The following GLIS2 variants were observed in gnomAD, a reference collection of about 807,000 sequenced individuals.
GLIS2 encodes zinc finger protein GLIS2.
A neutral mutation model predicts 35.6 loss-of-function variants in GLIS2; 14 were observed. That is an observed-to-expected ratio of 0.39 (90% CI 0.26 to 0.61). GLIS2 has a LOEUF of 0.61. GLIS2 is among the 20% of genes least tolerant of loss of function. The pLI is 0.48. For missense variants in GLIS2, 675 were observed against 713.4 expected (o/e 0.95, Z 0.61); for synonymous variants, 368 against 325.1 (o/e 1.13, Z -1.42).
chr16:4,321,184 G>T (rs954700028), intron 1 of GLIS2, among the ~76,000 whole-genome samples: 3 of 152,184 alleles, frequency 2.0e-5, no homozygotes, highest in African/African-American at 7.2e-5. Flanking sequence ...GGCAGGAGAT[G>T]GAGCTGGGGG....
intron 1 of GLIS2, among the ~76,000 whole-genome samples, chr16:4,317,822 G>A (rs898192262): frequency 6.6e-6 from 1 of 152,130 alleles, no homozygotes; most frequent in Non-Finnish European, 1.5e-5. Context: ...GGGGGTGTGC[G>A]GACCCCTTGG....
At chr16:4,318,840 G>A (rs944070065) in intron 1 of GLIS2, among the ~76,000 whole-genome samples, 13 of 152,240 alleles carry the variant, frequency 8.5e-5, no homozygotes, top group East Asian at 3.9e-4. Flanking sequence ...CTAGCCACCC[G>A]CTCCACTCGC....
chr16:4,331,913 G>A (rs1002461623), intron 1 of GLIS2: 12 of 374,030 alleles, frequency 3.2e-5, no homozygotes, highest in Admixed American at 2.9e-4. Flanking sequence ...TGTGCCACTT[G>A]CACTCCAGCC....
Position 4,338,808 on chromosome 16 carries a change from C to G in GLIS2, c.*1284C>G, listed in dbSNP as rs2053590689. On this transcript the variant is annotated 3_prime_UTR_variant, in exon 7 of 7. Coordinates refer to ENST00000433375, the MANE Select transcript of GLIS2 (RefSeq NM_032575.3). ...GGTGGTGCTGGAGGGCCTTGTGCCCCAGTCCCATCCCAGGACGCCCTGAGG... is the reference window on the plus strand; with the variant it reads ...GGTGGTGCTGGAGGGCCTTGTGCCCGAGTCCCATCCCAGGACGCCCTGAGG... 6.6e-6 allele frequency: 1 copy of G among 152,322 alleles called. No homozygotes were observed. The highest frequency in any genetic ancestry group is 1.5e-5 in the Non-Finnish European group (1 of 68,088). The allele number at this position is 152,322 out of a possible 1,614,324, so 9.4% of individuals were successfully genotyped here. A position where few individuals can be genotyped will look rare whatever the true frequency, so the allele number is the denominator to read the frequency against.
intron 6 of GLIS2, chr16:4,336,453 G>A (rs2053552341): frequency 1.7e-6 from 1 of 601,432 alleles, no homozygotes; most frequent in Non-Finnish European, 3.0e-6. Flanking sequence ...GGCCTCCAAG[G>A]CCATGTTCTG....
At chr16:4,318,726 C>G (rs1307818314) in intron 1 of GLIS2, among the ~76,000 whole-genome samples, 6 of 152,254 alleles carry the variant, frequency 3.9e-5, no homozygotes, top group Non-Finnish European at 8.8e-5. Context: ...GGCCTTGGCC[C>G]CGGGCGGTGG....
intron 1 of GLIS2, among the ~76,000 whole-genome samples, chr16:4,323,569 C>G (rs562732200): frequency 1.3e-5 from 2 of 152,146 alleles, no homozygotes; most frequent in Non-Finnish European, 2.9e-5. Context: ...TGTGAGTGTG[C>G]GTGTGTGTGC....
intron 3 of GLIS2, 77 bp downstream of exon 3, chr16:4,333,596 G>A: frequency 6.9e-7 from 1 of 1,448,876 alleles, no homozygotes; most frequent in Non-Finnish European, 9.3e-7. Flanking sequence ...CCCCAACACT[G>A]AGTGGTTTAA....
rs1255737747 is a variant in GLIS2 at position 4,332,500 on chromosome 16, GGTGACAGGGAGAATGGC to G, written c.172+49_172+65del. On this transcript the variant is annotated intron_variant, in intron 2 of 6. Transcript: ENST00000433375. This position sits in a 1 kb window ranked among gnomAD's most constrained non-coding sequence, Gnocchi z 5.4. ...GGGGACTTAGCCCTGATCCAGTCAT[GGTGACAGGGAGAATGGC>G]CAAGTGTGTCCACCAGCATGTAGCT... 2 of 1,592,490 alleles carry G rather than the reference GGTGACAGGGAGAATGGC, an allele frequency of 1.3e-6. No individual in the cohort carries two copies.
upstream of GLIS2, chr16:4,315,289 G>C (rs1358949681): frequency 6.6e-6 from 1 of 152,238 alleles, no homozygotes; most frequent in African/African-American, 2.4e-5. Context: ...GTTGCGCCGG[G>C]CCCCGAAAAC....
rs1413979732 is a variant in GLIS2, at chr16:4,332,374, C to T, written c.94C>T (p.Arg32Trp). 8.1e-6 allele frequency: 13 copies of T among 1,612,994 alleles called. No homozygotes were observed. The highest frequency in any genetic ancestry group is 2.7e-5 in the African/African-American group (2 of 75,048). Residue 32 changes from arginine to tryptophan, a missense_variant, in exon 2 of 7, where the codon CGG becomes TGG. Coordinates refer to ENST00000433375, the MANE Select transcript of GLIS2 (RefSeq NM_032575.3). This position sits in a 1 kb window ranked among gnomAD's most constrained non-coding sequence, Gnocchi z 5.4. ...GCGGGAGAGGACGCTGGGTGTGGTCCGGCCCCGTGCTCTGCACAGGGAGCT... is the reference window on the plus strand; with the variant it reads ...GCGGGAGAGGACGCTGGGTGTGGTCTGGCCCCGTGCTCTGCACAGGGAGCT... ...EKRERTLGVV[R>W]PRALHRELGL...
At position 4,319,383 on chromosome 16, in the gene GLIS2, G is replaced by C. The variant is rs190144195; in HGVS notation, c.-67+3129G>C. On this transcript the variant is annotated intron_variant, in intron 1 of 6. Transcript: ENST00000433375. ...TCTCCCTGCTGGCTAGGGGATCTGTGGGACCAGCTGAAAGATGCTCTCCAC... is the reference window on the plus strand; with the variant it reads ...TCTCCCTGCTGGCTAGGGGATCTGTCGGACCAGCTGAAAGATGCTCTCCAC... 2.6e-5 allele frequency among the ~76,000 whole-genome samples: 4 copies of C among 152,274 alleles called. No individual in the cohort carries two copies. The East Asian group carries it at 7.7e-4, about 29-fold the overall frequency.
At chr16:4,330,476 C>T (rs1405707607) in intron 1 of GLIS2, among the ~76,000 whole-genome samples, 1 of 152,258 alleles carries the variant, frequency 6.6e-6, no homozygotes, top group African/African-American at 2.4e-5. Flanking sequence ...CCAGCTGCCC[C>T]CTGGTGGCGA....
Position 4,334,971 on chromosome 16 carries a change from G to A in GLIS2, c.516G>A (p.Trp172Ter), listed in dbSNP as rs1472195709. The A allele has an allele frequency of 1.2e-6, 2 of 1,613,108 alleles. No homozygotes were observed. The highest frequency in any genetic ancestry group is 1.7e-6 in the Non-Finnish European group (2 of 1,180,032). ...LPLPKQLVCR[W>*]AKCNQLFELL... ...TGCCCAAGCAGCTGGTGTGTCGCTG[G>A]GCCAAGGTGAGTGGGGGCCAGCAAG... Residue 172 changes from tryptophan (W) to a stop codon, truncating the protein, a stop_gained, in exon 4 of 7, where the codon TGG (tryptophan) becomes TGA (stop). Transcript: ENST00000433375. LOFTEE classifies it high-confidence loss of function.
intron 1 of GLIS2, among the ~76,000 whole-genome samples, chr16:4,321,632 G>A (rs1176153102): frequency 2.0e-5 from 3 of 152,102 alleles, no homozygotes; most frequent in Non-Finnish European, 4.4e-5. Context: ...CTGCCTCACT[G>A]CCCAGTTCAC....
At chr16:4,333,310 A>G in intron 2 of GLIS2, 37 bp from the exon 3 acceptor site, 1 of 1,611,262 alleles carries the variant, frequency 6.2e-7, no homozygotes, top group Non-Finnish European at 8.5e-7. Context: ...CTGGGACTCT[A>G]CACTCCAGCA....
In GLIS2 at chr16:4,332,301, G is replaced by A. The variant is rs767440800; in HGVS notation, c.21G>A (p.Pro7=). Residue 7 remains proline (P), a synonymous_variant, in exon 2 of 7, where the codon CCG becomes CCA. Transcript: ENST00000433375. This position sits in a 1 kb window ranked among gnomAD's most constrained non-coding sequence, Gnocchi z 5.4. MHSLDE[P]LDLKLSITKL... ...TCACCATGCACTCCCTGGACGAGCCGCTCGACCTGAAGCTGAGTATCACCA... is the reference window on the plus strand; with the variant it reads ...TCACCATGCACTCCCTGGACGAGCCACTCGACCTGAAGCTGAGTATCACCA... 15 of 1,612,828 alleles carry A rather than the reference G, an allele frequency of 9.3e-6. No individual in the cohort carries two copies. Among genetic ancestry groups the A allele is most frequent in the African/African-American group, 6.7e-5 (5 of 74,918 alleles).
intron 1 of GLIS2, among the ~76,000 whole-genome samples, chr16:4,325,071 G>A (rs942169039): frequency 6.6e-5 from 10 of 152,206 alleles, no homozygotes; most frequent in East Asian, 1.9e-4. Context: ...CTGTGGGGCC[G>A]TTTGCTTTGG....
chr16:4,335,461 C>A lies in GLIS2; in HGVS notation c.775+68C>A. 2 of 1,383,494 alleles carry A rather than the reference C, an allele frequency of 1.4e-6. No homozygotes were observed. Among genetic ancestry groups the A allele is most frequent in the Non-Finnish European group, 2.1e-6 (2 of 973,458 alleles). The allele number at this position is 1,383,494 out of a possible 1,614,324, so 85.7% of individuals were successfully genotyped here. ...CTCAGCTGAGACCGGCTGGGCAGGT[C>A]CCCAGGGGGAGGGGACTGTTAAGTA... On this transcript the variant is annotated intron_variant, in intron 6 of 6. Coordinates refer to ENST00000433375, the MANE Select transcript of GLIS2 (RefSeq NM_032575.3). This position sits in a 1 kb window ranked among gnomAD's most constrained non-coding sequence, Gnocchi z 4.6.
Sources: gnomAD v4.1 joint callset for allele counts (sites outside exome capture counted in the v4.1 genomes callset) on GRCh38, gnomAD v4.1.1 for gene constraint, Gnocchi (gnomAD v3.1) non-coding constraint, MANE v1.5 for transcripts, NCBI Gene and HGNC (gene_info 2026-07-23, HGNC 2026-07-21) for gene names.